The following CCDC88C variants were observed in gnomAD, a reference collection of about 807,000 sequenced individuals.
The protein encoded by CCDC88C is coiled-coil and HOOK domain protein 88C, also known as protein Daple.
A neutral mutation model predicts 198.8 loss-of-function variants in CCDC88C; 131 were observed. The observed-to-expected ratio is 0.66, with a 90% CI of 0.57 to 0.76. The LOEUF (loss-of-function observed/expected upper bound fraction) is 0.76, where lower values mean the gene tolerates loss of function less well. Ranked by LOEUF, CCDC88C falls within the 30% of genes least tolerant of loss-of-function variation. The pLI, the probability that CCDC88C is intolerant of heterozygous loss-of-function variation, is 0.00. For synonymous variants in CCDC88C, 1,166 were observed against 1,114.7 expected, an observed-to-expected ratio of 1.05 and a Z score of -0.92; for missense variants, 2,553 against 2,631.6, an observed-to-expected ratio of 0.97 and a Z score of 0.65.
chr14:91,355,193 G>A (rs372445671), intron 4 of CCDC88C, among the ~76,000 whole-genome samples: 66 of 152,318 alleles, frequency 4.3e-4, no homozygotes, highest in African/African-American at 1.4e-3. Context: ...TGGTGGTGAG[G>A]AGGGCTGCAG....
At position 91,277,928 on chromosome 14, in the gene CCDC88C, G is replaced by A. The variant is rs774991915; in HGVS notation, c.5052C>T (p.Pro1684=). ...CCGTGTCCGGATCACTCACATGGGTGGGGGAGCTGCGGTTGCTCTCCTCCA... is the reference window on the plus strand; with the variant it reads ...CCGTGTCCGGATCACTCACATGGGTAGGGGAGCTGCGGTTGCTCTCCTCCA... ...EFLEESNRSS[P]THDTPSCRDD... The change falls in exon 29 of 30, where the codon CCC becomes CCT. Residue 1684 remains proline (P), a synonymous_variant. Transcript: ENST00000389857. 5 of 1,503,660 alleles carry A rather than the reference G, an allele frequency of 3.3e-6. No homozygotes were observed. The highest frequency in any genetic ancestry group is 2.1e-5 in the Admixed American group (1 of 47,404). 93.1% of individuals were successfully genotyped at this position (1,503,660 alleles called of 1,614,324 possible). A position where few individuals can be genotyped will look rare whatever the true frequency, so the allele number is the denominator to read the frequency against.
chr14:91,340,858 C>T (rs556748221), intron 6 of CCDC88C, among the ~76,000 whole-genome samples: 4 of 152,108 alleles, frequency 2.6e-5, no homozygotes, highest in South Asian at 2.1e-4. Flanking sequence ...AAAAATTAGC[C>T]GGGCGAGGTG....
rs1030627287 is a variant in CCDC88C at position 91,391,269 on chromosome 14, C to A, written c.270+17390G>T. Among the ~76,000 whole-genome samples the A allele has an allele frequency of 3.3e-5, 5 of 151,062 alleles. No individual in the cohort carries two copies. The South Asian group carries it at 8.3e-4, about 25-fold the overall frequency. On this transcript the variant is annotated intron_variant, in intron 3 of 29. Coordinates refer to ENST00000389857, the MANE Select transcript of CCDC88C (RefSeq NM_001080414.4). ...AAACAAAACAAAACAAAAAAAAAAACCCACTGGGTGCCCGTTTTTAATTGT... is the reference window on the plus strand; with the variant it reads ...AAACAAAACAAAACAAAAAAAAAAAACCACTGGGTGCCCGTTTTTAATTGT...
rs141877411 is a variant in CCDC88C, at chr14:91,272,278, T to C, written c.*347A>G. On this transcript the variant is annotated 3_prime_UTR_variant, in exon 30 of 30. Transcript: ENST00000389857. ...TGTGTGCTTAACGGAGCTCAACACA[T>C]TGCAAATGAGTGTTCTACTGGGACA... 444 of 273,952 alleles carry C rather than the reference T, an allele frequency of 1.6e-3. 1 individual carries two copies. Among genetic ancestry groups the C allele is most frequent in the African/African-American group, 9.2e-3 (405 of 44,006 alleles). The allele number at this position is 273,952 out of a possible 1,614,324, so 17.0% of individuals were successfully genotyped here. A position where few individuals can be genotyped will look rare whatever the true frequency, so the allele number is the denominator to read the frequency against.
At chr14:91,407,066 A>C (rs1886527852) in intron 3 of CCDC88C, among the ~76,000 whole-genome samples, 1 of 151,872 alleles carries the variant, frequency 6.6e-6, no homozygotes, top group South Asian at 2.1e-4. Context: ...ACTGGCCCAC[A>C]CAGGCAAACT....
chr14:91,323,460 A>G (rs1892441238), intron 12 of CCDC88C, among the ~76,000 whole-genome samples: 1 of 152,198 alleles, frequency 6.6e-6, no homozygotes, highest in Admixed American at 6.5e-5. Flanking sequence ...CACCCAGCTA[A>G]CCAGCAGAGA....
chr14:91,276,055 C>T (rs996053544), intron 29 of CCDC88C, among the ~76,000 whole-genome samples: 8 of 151,466 alleles, frequency 5.3e-5, no homozygotes, highest in African/African-American at 9.7e-5. Flanking sequence ...CTCCTGACCT[C>T]GTGATCCGCC....
chr14:91,340,049 T>C (rs1321070451), intron 6 of CCDC88C, 25 bp from the exon 7 acceptor site: 1 of 1,607,212 alleles, frequency 6.2e-7, no homozygotes, highest in African/African-American at 1.3e-5. Context: ...GGCAGGGCAC[T>C]GCAGGGGCGG....
chr14:91,339,771 C>T lies in CCDC88C; in HGVS notation c.624+113G>A, dbSNP rs891296332. 1.2e-5 allele frequency: 16 copies of T among 1,293,888 alleles called. No individual in the cohort carries two copies. Among genetic ancestry groups the T allele is most frequent in the Admixed American group, 5.6e-5 (2 of 35,882 alleles). 80.2% of individuals were successfully genotyped at this position (1,293,888 alleles called of 1,614,324 possible). On this transcript the variant is annotated intron_variant, in intron 7 of 29. Transcript: ENST00000389857. The surrounding 1 kb of genome is among the most constrained non-coding windows in gnomAD (Gnocchi z 5.8). ...AGGGAAAGCACGCACGTCCCACCCC[C>T]ACCAGAACCTCAGCAGCAGGACCGA...
rs766734077 is a variant in CCDC88C, at chr14:91,343,656, C to T, written c.342G>A (p.Gly114=). The change falls in exon 5 of 30, where the codon GGG becomes GGA. Residue 114 remains glycine, a splice_region_variant and synonymous_variant. Transcript: ENST00000389857. ...CCTTCTTGATTTCCTCCATGCTCTTCCCTAGATCAAGAGAGCAACACATTT... is the reference window on the plus strand; with the variant it reads ...CCTTCTTGATTTCCTCCATGCTCTTTCCTAGATCAAGAGAGCAACACATTT... The part of the protein sequence containing the change: ...VLMIGRDPLS[G]KSMEEIKKVL... 6.2e-7 allele frequency: 1 copy of T among 1,613,578 alleles called. No individual in the cohort carries two copies. The highest frequency in any genetic ancestry group is 1.1e-5 in the South Asian group (1 of 91,082).
At chr14:91,372,759 G>A (rs1368650472) in intron 3 of CCDC88C, among the ~76,000 whole-genome samples, 2 of 152,086 alleles carry the variant, frequency 1.3e-5, no homozygotes, top group Non-Finnish European at 2.9e-5. Flanking sequence ...CCCCTCTGCC[G>A]GCTCCACCAC....
chr14:91,379,763 C>T (rs920950068), intron 3 of CCDC88C: 2 of 695,838 alleles, frequency 2.9e-6, no homozygotes, highest in Admixed American at 2.0e-5. Flanking sequence ...ACCCCGTGCC[C>T]GGGCCTCCTG....
In CCDC88C at chr14:91,329,687, T is replaced by C. The variant is rs185952992; in HGVS notation, c.1051-3631A>G. On this transcript the variant is annotated intron_variant, in intron 10 of 29. Coordinates refer to ENST00000389857, the MANE Select transcript of CCDC88C (RefSeq NM_001080414.4). ...GCTGGGCAAGTTATTAATTAATCAA[T>C]TGTCAGTTTCCTCATCTGAAAAGAG... is the stretch of plus-strand genomic sequence containing the variant. Among the ~76,000 whole-genome samples, 139 of 152,334 alleles carry C rather than the reference T, an allele frequency of 9.1e-4. 1 individual carries two copies. The highest frequency in any genetic ancestry group is 3.2e-3 in the African/African-American group (134 of 41,582).
intron 26 of CCDC88C, among the ~76,000 whole-genome samples, chr14:91,282,892 T>C (rs939114425): frequency 1.3e-5 from 2 of 152,188 alleles, no homozygotes; most frequent in African/African-American, 4.8e-5. Flanking sequence ...TGAGACCACA[T>C]ATCTACAAAA....
intron 3 of CCDC88C, among the ~76,000 whole-genome samples, chr14:91,397,491 C>T (rs1293525667): frequency 1.3e-5 from 2 of 152,208 alleles, no homozygotes. Flanking sequence ...CACACTCATA[C>T]TCACACACAC....
chr14:91,309,078 A>ACAC (rs1891688212), intron 16 of CCDC88C, among the ~76,000 whole-genome samples: 3 of 152,020 alleles, frequency 2.0e-5, no homozygotes, highest in South Asian at 4.2e-4. Context: ...AAAATACAAA[A>ACAC]ATTAGCTGGG....
At position 91,381,196 on chromosome 14, in the gene CCDC88C, C is replaced by T. The variant is rs10151086; in HGVS notation, c.271-21485G>A. ...AGAACTGAAAGGTGTGGGGCTTTCC[C>T]GGTACGGTCTGAGTCTCCTGTCCCC... On this transcript the variant is annotated intron_variant, in intron 3 of 29. Transcript: ENST00000389857. The surrounding 1 kb of genome is among the most constrained non-coding windows in gnomAD (Gnocchi z 4.2). 0.036 allele frequency among the ~76,000 whole-genome samples: 5,509 copies of T among 152,142 alleles called. 225 individuals carry two copies. The highest frequency in any genetic ancestry group is 0.093 in the African/African-American group (3,871 of 41,462).
At chr14:91,366,995 G>A (rs1352751746) in intron 3 of CCDC88C, among the ~76,000 whole-genome samples, 1 of 152,214 alleles carries the variant, frequency 6.6e-6, no homozygotes, top group East Asian at 1.9e-4. Flanking sequence ...ACCGTTCTGT[G>A]CATGTGGCAG....
intron 27 of CCDC88C, among the ~76,000 whole-genome samples, chr14:91,281,005 G>A (rs1431545329): frequency 6.6e-6 from 1 of 152,192 alleles, no homozygotes; most frequent in Non-Finnish European, 1.5e-5. Context: ...GGCAGGTACT[G>A]TTTACTGTCT....
Sources: gnomAD v4.1 joint callset for allele counts (sites outside exome capture counted in the v4.1 genomes callset) on GRCh38, gnomAD v4.1.1 for gene constraint, Gnocchi (gnomAD v3.1) non-coding constraint, MANE v1.5 for transcripts, NCBI Gene and HGNC (gene_info 2026-07-23, HGNC 2026-07-21) for gene names.